Variants in GALNTL6 observed in about 807,000 individuals in gnomAD.
The protein encoded by GALNTL6 is polypeptide N-acetylgalactosaminyltransferase like 6.
In GALNTL6, 46 loss-of-function variants were observed where a neutral mutation model predicts 73.7. That is an observed-to-expected ratio of 0.62 (90% CI 0.49 to 0.80). GALNTL6 has a LOEUF of 0.80. GALNTL6 is among the 30% of genes least tolerant of loss of function. The pLI, the probability that GALNTL6 is intolerant of heterozygous loss-of-function variation, is 0.00. For synonymous variants in GALNTL6, 259 were observed against 263.7 expected (o/e 0.98, Z 0.17); for missense variants, 604 against 755.0 (o/e 0.80, Z 2.34).
chr4:172,104,239 G>A (rs546270239), intron 2 of GALNTL6, among the ~76,000 whole-genome samples: 58 of 152,254 alleles, frequency 3.8e-4, no homozygotes, highest in African/African-American at 1.3e-3. Flanking sequence ...CACCGTGCCC[G>A]GCCTGGGGCA....
chr4:172,952,305 G>A lies in GALNTL6; in HGVS notation c.1371+47G>A, dbSNP rs368873997. ...CCTGCGCCTACCTATGAGACTGTGT[G>A]CCTCCCCCATAGCCTCAGGTGGTGG... On this transcript the variant is annotated intron_variant, in intron 10 of 12. Coordinates refer to ENST00000506823, the MANE Select transcript of GALNTL6 (RefSeq NM_001034845.3). 16 of 1,390,438 alleles carry A rather than the reference G, an allele frequency of 1.2e-5. No homozygotes were observed. In the African/African-American group the frequency reaches 2.0e-4, roughly 17 times the overall value. 86.1% of individuals were successfully genotyped at this position (1,390,438 alleles called of 1,614,324 possible).
chr4:173,028,979 A>G (rs1348478560), intron 12 of GALNTL6, among the ~76,000 whole-genome samples: 1 of 152,178 alleles, frequency 6.6e-6, no homozygotes, highest in Non-Finnish European at 1.5e-5. Context: ...ACATTTGACT[A>G]TTTGTTGTTA....
chr4:172,917,067 G>A lies in GALNTL6; in HGVS notation c.1042-14094G>A, dbSNP rs1384679703. Reference sequence around the variant, plus strand: ...AAACAGAGATATAGACCAATGGAATGGAACAGAGCCCTCAGAAATAATACC... The same window carrying A: ...AAACAGAGATATAGACCAATGGAATAGAACAGAGCCCTCAGAAATAATACC... On this transcript the variant is annotated intron_variant, in intron 8 of 12. Transcript: ENST00000506823. 3.3e-5 allele frequency among the ~76,000 whole-genome samples: 5 copies of A among 152,006 alleles called. No homozygotes were observed. The East Asian group carries it at 7.7e-4, about 23-fold the overall frequency.
At chr4:171,914,928 T>C (rs902084982) in intron 2 of GALNTL6, among the ~76,000 whole-genome samples, 10 of 152,054 alleles carry the variant, frequency 6.6e-5, no homozygotes, top group Non-Finnish European at 1.5e-4. Context: ...AGAATCATTT[T>C]CAGTTATATT....
chr4:171,869,846 C>G (rs994869921), intron 2 of GALNTL6, among the ~76,000 whole-genome samples: 3 of 152,086 alleles, frequency 2.0e-5, no homozygotes, highest in Non-Finnish European at 2.9e-5. Flanking sequence ...GGCTCATTCT[C>G]TCTTGCCTGC....
At chr4:172,240,939 C>A (rs2110992310) in intron 3 of GALNTL6, among the ~76,000 whole-genome samples, 1 of 152,232 alleles carries the variant, frequency 6.6e-6, no homozygotes, top group Non-Finnish European at 1.5e-5. Context: ...TGCCAGAGTT[C>A]TTGTGCTGGT....
Position 172,105,958 on chromosome 4 carries a change from G to T in GALNTL6, c.139-123698G>T, listed in dbSNP as rs536197862. On this transcript the variant is annotated intron_variant, in intron 2 of 12. Transcript: ENST00000506823. The stretch of plus-strand genomic sequence containing the variant: ...TTTGAAAACATTATAATATGGAATT[G>T]TAAAAATGAAAGTTGGTGCTGATAC... Among the ~76,000 whole-genome samples the T allele has an allele frequency of 3.3e-5, 5 of 152,264 alleles. No individual in the cohort carries two copies. In the East Asian group the frequency reaches 9.6e-4, roughly 29 times the overall value.
At position 172,528,985 on chromosome 4, in the gene GALNTL6, ATG is replaced by A. The variant is rs1561123770; in HGVS notation, c.553+180302_553+180303del. ...TATATGTGTGTGTATATTTATACAT[ATG>A]TGTGTATATATATATATATACACAC... is the stretch of plus-strand genomic sequence containing the variant. On this transcript the variant is annotated intron_variant, in intron 5 of 12. Transcript: ENST00000506823. Among the ~76,000 whole-genome samples the A allele has an allele frequency of 1.8e-3, 57 of 31,402 alleles. 1 individual carries two copies. In the East Asian group the frequency reaches 0.17, roughly 96 times the overall value. 20.6% of individuals were successfully genotyped at this position (31,402 alleles called of 152,430 possible).
chr4:172,438,153 C>T (rs947475820), intron 5 of GALNTL6, among the ~76,000 whole-genome samples: 2 of 151,994 alleles, frequency 1.3e-5, no homozygotes, highest in Non-Finnish European at 2.9e-5. Flanking sequence ...AATGTATTTG[C>T]TACATTTTCT....
intron 7 of GALNTL6, among the ~76,000 whole-genome samples, chr4:172,865,199 T>TG (rs755435665): frequency 2.0e-5 from 3 of 152,370 alleles, no homozygotes; most frequent in African/African-American, 4.8e-5. Context: ...GAGAAAAGGC[T>TG]GGTGCACTAG....
intron 2 of GALNTL6, among the ~76,000 whole-genome samples, chr4:172,057,649 G>T (rs376346885): frequency 7.0e-6 from 1 of 143,782 alleles, no homozygotes; most frequent in African/African-American, 2.6e-5. Flanking sequence ...TAAGGATGCA[G>T]TGAGGAGAGA....
intron 12 of GALNTL6, among the ~76,000 whole-genome samples, chr4:173,039,053 A>C (rs918102970): frequency 6.6e-6 from 1 of 152,242 alleles, no homozygotes; most frequent in Non-Finnish European, 1.5e-5. Flanking sequence ...TTCCCCACTT[A>C]ACACAATTAA....
At chr4:172,540,764 T>C (rs957141405) in intron 5 of GALNTL6, among the ~76,000 whole-genome samples, 2 of 152,180 alleles carry the variant, frequency 1.3e-5, no homozygotes. Context: ...TAAGCTATTA[T>C]CTAAAGACCT....
At chr4:172,862,149 T>C (rs1198657594) in intron 7 of GALNTL6, among the ~76,000 whole-genome samples, 1 of 152,198 alleles carries the variant, frequency 6.6e-6, no homozygotes, top group Non-Finnish European at 1.5e-5. Flanking sequence ...TAGAACTTCC[T>C]AGAGACTTGT....
chr4:172,400,229 G>T (rs778208013), intron 5 of GALNTL6, among the ~76,000 whole-genome samples: 11 of 152,096 alleles, frequency 7.2e-5, no homozygotes, highest in Non-Finnish European at 1.2e-4. Flanking sequence ...GTAAGTGCTA[G>T]ATAAAGCTCA....
chr4:172,531,786 A>G (rs1052487376), intron 5 of GALNTL6, among the ~76,000 whole-genome samples: 2 of 152,172 alleles, frequency 1.3e-5, no homozygotes, highest in Non-Finnish European at 2.9e-5. Flanking sequence ...GCTCAGCAGT[A>G]GTTGCTGGGC....
rs1403342045 is a variant in GALNTL6, at chr4:172,922,168, TG to T, written c.1042-8992del. ...TCTCTTGCCACCACCGTGTAAGAAC[TG>T]CCTTTCACCTCCCGCCATGATTCTG... On this transcript the variant is annotated intron_variant, in intron 8 of 12. Coordinates refer to ENST00000506823, the MANE Select transcript of GALNTL6 (RefSeq NM_001034845.3). Among the ~76,000 whole-genome samples the T allele has an allele frequency of 3.3e-5, 5 of 152,310 alleles. No individual in the cohort carries two copies. In the East Asian group the frequency reaches 5.8e-4, roughly 18 times the overall value.
intron 7 of GALNTL6, among the ~76,000 whole-genome samples, chr4:172,826,051 T>C (rs1410906309): frequency 6.6e-6 from 1 of 152,174 alleles, no homozygotes; most frequent in Non-Finnish European, 1.5e-5. Context: ...TGTAACTTTT[T>C]TTTATCTCCA....
chr4:172,313,806 A>G (rs553414468), intron 4 of GALNTL6, among the ~76,000 whole-genome samples: 121 of 152,282 alleles, frequency 7.9e-4, no homozygotes, highest in African/African-American at 2.9e-3. Context: ...AAATACGAAA[A>G]CAAACAACAA....
Sources: allele counts gnomAD v4.1 joint callset (sites outside exome capture counted in the v4.1 genomes callset), GRCh38; gene constraint gnomAD v4.1.1; transcripts MANE v1.5; gene names NCBI Gene and HGNC (gene_info 2026-07-23, HGNC 2026-07-21).